Variants in RAMP1 observed in about 807,000 individuals in gnomAD.
RAMP1 encodes receptor activity-modifying protein 1.
A neutral mutation model predicts 8.2 loss-of-function variants in RAMP1; 7 were observed. The ratio of observed to expected loss-of-function variants is 0.85; its 90% CI spans 0.49 to 1.60. RAMP1 has a LOEUF of 1.60. Among genes scored for constraint, RAMP1 ranks in the 40% most tolerant of loss-of-function variants. RAMP1 has a pLI of 0.00. For missense variants in RAMP1, 192 were observed against 202.4 expected (o/e 0.95, Z 0.31); for synonymous variants, 92 against 84.7 (o/e 1.09, Z -0.47).
At chr2:237,897,222 A>C (rs1238905458) in intron 2 of RAMP1, among the ~76,000 whole-genome samples, 1 of 152,218 alleles carries the variant, frequency 6.6e-6, no homozygotes, top group African/African-American at 2.4e-5. Context: ...TCAGGCCAGG[A>C]AAGAGGGAGA....
intron 2 of RAMP1, among the ~76,000 whole-genome samples, chr2:237,891,591 G>A (rs1287893581): frequency 6.6e-6 from 1 of 152,160 alleles, no homozygotes; most frequent in African/African-American, 2.4e-5. Context: ...GGGAGGAAAT[G>A]TAGCCTGAAT....
chr2:237,900,029 G>C (rs1329447714), intron 2 of RAMP1, among the ~76,000 whole-genome samples: 1 of 152,108 alleles, frequency 6.6e-6, no homozygotes, highest in Non-Finnish European at 1.5e-5. Context: ...TTTTTAAGTC[G>C]ATATTTGATA....
rs550493992 is a variant in RAMP1 at position 237,862,114 on chromosome 2, C to G, written c.52+2387C>G. ...AAACGCATGCCTTCCTTGGCTGTCA[C>G]GTGGGAGCCAGGGGTTTTTTTAATG... On this transcript the variant is annotated intron_variant, in intron 1 of 2. Coordinates refer to ENST00000254661, the MANE Select transcript of RAMP1 (RefSeq NM_005855.4). This position sits in a 1 kb window ranked among gnomAD's most constrained non-coding sequence, Gnocchi z 4.0. Among the ~76,000 whole-genome samples the G allele has an allele frequency of 2.0e-5, 3 of 152,102 alleles. No individual in the cohort carries two copies. In the South Asian group the frequency reaches 6.2e-4, roughly 32 times the overall value.
chr2:237,865,975 C>T lies in RAMP1; in HGVS notation c.52+6248C>T, dbSNP rs1400556316. On this transcript the variant is annotated intron_variant, in intron 1 of 2. Transcript: ENST00000254661. This position sits in a 1 kb window ranked among gnomAD's most constrained non-coding sequence, Gnocchi z 4.2. The stretch of plus-strand genomic sequence containing the variant: ...AGGTTTCCTCCAGTGCCTTATGGTT[C>T]TAAACACACAAACCTTTGATGCATC... 3.3e-5 allele frequency among the ~76,000 whole-genome samples: 5 copies of T among 152,196 alleles called. No individual in the cohort carries two copies. The highest frequency in any genetic ancestry group is 6.5e-5 in the Admixed American group (1 of 15,290).
At chr2:237,885,960 C>T (rs1319391689) in intron 2 of RAMP1, among the ~76,000 whole-genome samples, 1 of 152,216 alleles carries the variant, frequency 6.6e-6, no homozygotes, top group African/African-American at 2.4e-5. Context: ...GGAGCCGGGT[C>T]CTCGAAGACT....
chr2:237,881,382 G>T (rs1353071582), intron 2 of RAMP1, among the ~76,000 whole-genome samples: 1 of 152,216 alleles, frequency 6.6e-6, no homozygotes, highest in Non-Finnish European at 1.5e-5. Context: ...CATCGACGTG[G>T]ATGGCCTCAC....
At chr2:237,874,118 C>T (rs2062274801) in intron 1 of RAMP1, among the ~76,000 whole-genome samples, 1 of 152,196 alleles carries the variant, frequency 6.6e-6, no homozygotes, top group African/African-American at 2.4e-5. Flanking sequence ...GGCCACCGGA[C>T]CAGCCCTGCA....
chr2:237,892,747 C>T (rs1428613096), intron 2 of RAMP1, among the ~76,000 whole-genome samples: 1 of 151,530 alleles, frequency 6.6e-6, no homozygotes, highest in African/African-American at 2.4e-5. Flanking sequence ...CTCTCTCTCT[C>T]TCTCTCTCTC....
chr2:237,859,682 C>T lies in RAMP1; in HGVS notation c.7C>T (p.Arg3Trp), dbSNP rs2062112846. The change falls in exon 1 of 3, where the codon CGG (arginine) becomes TGG (tryptophan). Residue 3 changes from arginine to tryptophan, a missense_variant. By Grantham distance (101) the Arg-to-Trp change is moderately radical. Transcript: ENST00000254661. Reference protein sequence around the residue: MARALCRLPRRGL... With the variant: MAWALCRLPRRGL... ...CTCGGCACCGCTGTGCACCATGGCC[C>T]GGGCCCTGTGCCGCCTCCCGCGGCG... The T allele has an allele frequency of 1.3e-6, 2 of 1,509,472 alleles. No individual in the cohort carries two copies. Among genetic ancestry groups the T allele is most frequent in the African/African-American group, 1.4e-5 (1 of 69,120 alleles). 93.5% of individuals were successfully genotyped at this position (1,509,472 alleles called of 1,614,324 possible).
At chr2:237,861,519 A>G (rs991232110) in intron 1 of RAMP1, among the ~76,000 whole-genome samples, 1 of 152,176 alleles carries the variant, frequency 6.6e-6, no homozygotes, top group African/African-American at 2.4e-5. Flanking sequence ...TGACAATTTT[A>G]CAATCAAGCT....
chr2:237,910,437 ACACT>A (rs1192374720), intron 2 of RAMP1, among the ~76,000 whole-genome samples: 1 of 152,062 alleles, frequency 6.6e-6, no homozygotes, highest in Non-Finnish European at 1.5e-5. Context: ...AGAATGTCAC[ACACT>A]CAGAGAATAA....
chr2:237,892,634 A>G (rs1211363379), intron 2 of RAMP1, among the ~76,000 whole-genome samples: 1 of 152,134 alleles, frequency 6.6e-6, no homozygotes, highest in African/African-American at 2.4e-5. Flanking sequence ...ATGTGAAGCA[A>G]ACAGATGTTC....
chr2:237,904,567 C>T (rs903659657), intron 2 of RAMP1, among the ~76,000 whole-genome samples: 14 of 152,290 alleles, frequency 9.2e-5, no homozygotes, highest in African/African-American at 3.4e-4. Flanking sequence ...AAGATCGTGC[C>T]ACTGCACTCC....
chr2:237,859,409 C>G (rs1215439783), upstream of RAMP1: 2 of 154,340 alleles, frequency 1.3e-5, no homozygotes, highest in African/African-American at 4.8e-5. Context: ...TTCAGGAGGC[C>G]TTCCTGGGAC....
Position 237,912,035 on chromosome 2 carries a change from C to T in RAMP1, c.*252C>T, listed in dbSNP as rs941253681. 3.3e-5 allele frequency: 19 copies of T among 578,472 alleles called. No individual in the cohort carries two copies. Among genetic ancestry groups the T allele is most frequent in the African/African-American group, 3.0e-4 (16 of 53,602 alleles). The allele number at this position is 578,472 out of a possible 1,614,324, so 35.8% of individuals were successfully genotyped here. A position where few individuals can be genotyped will look rare whatever the true frequency, so the allele number is the denominator to read the frequency against. ...CCTTGACTTACCTCTGGAAAGGGTCCCAGCCTAGACTGCTTACCCCATAGC... is the reference window on the plus strand; with the variant it reads ...CCTTGACTTACCTCTGGAAAGGGTCTCAGCCTAGACTGCTTACCCCATAGC... On this transcript the variant is annotated 3_prime_UTR_variant, in exon 3 of 3. Coordinates refer to ENST00000254661, the MANE Select transcript of RAMP1 (RefSeq NM_005855.4).
chr2:237,908,266 T>C (rs1292065577), intron 2 of RAMP1, among the ~76,000 whole-genome samples: 3 of 152,192 alleles, frequency 2.0e-5, no homozygotes, highest in South Asian at 2.1e-4. Context: ...TGGGGTGGGT[T>C]CTCTGTGTAC....
chr2:237,900,278 G>A (rs1161379833), intron 2 of RAMP1, among the ~76,000 whole-genome samples: 1 of 152,194 alleles, frequency 6.6e-6, no homozygotes, highest in Non-Finnish European at 1.5e-5. Flanking sequence ...TCGTGCCTCA[G>A]CCACTCAAGT....
rs1326475722 is a variant in RAMP1 at position 237,859,692 on chromosome 2, G to C, written c.17G>C (p.Cys6Ser). Reference sequence around the variant, plus strand: ...CTGTGCACCATGGCCCGGGCCCTGTGCCGCCTCCCGCGGCGCGGCCTCTGG... The same window carrying C: ...CTGTGCACCATGGCCCGGGCCCTGTCCCGCCTCCCGCGGCGCGGCCTCTGG... MARAL[C>S]RLPRRGLWLL... Residue 6 changes from cysteine to serine, a missense_variant, in exon 1 of 3, where the codon TGC becomes TCC. Transcript: ENST00000254661. The C allele has an allele frequency of 4.6e-6, 7 of 1,511,914 alleles. No individual in the cohort carries two copies. Among genetic ancestry groups the C allele is most frequent in the Non-Finnish European group, 8.8e-7 (1 of 1,131,038 alleles). The allele number at this position is 1,511,914 out of a possible 1,614,324, so 93.7% of individuals were successfully genotyped here.
At chr2:237,882,454 C>T (rs1479682941) in intron 2 of RAMP1, among the ~76,000 whole-genome samples, 1 of 152,138 alleles carries the variant, frequency 6.6e-6, no homozygotes, top group Non-Finnish European at 1.5e-5. Flanking sequence ...GGAGGTGGGG[C>T]TGTTGTGATT....
Sources: allele counts gnomAD v4.1 joint callset (sites outside exome capture counted in the v4.1 genomes callset), GRCh38; gene constraint gnomAD v4.1.1; non-coding constraint Gnocchi (gnomAD v3.1); transcripts MANE v1.5; gene names NCBI Gene and HGNC (gene_info 2026-07-23, HGNC 2026-07-21).